Variants in ACMSD observed in about 807,000 individuals in gnomAD.
ACMSD encodes the protein aminocarboxymuconate semialdehyde decarboxylase.
ACMSD carries 37 observed loss-of-function variants against 45.9 expected under a neutral mutation model. The ratio of observed to expected loss-of-function variants is 0.81; its 90% CI spans 0.62 to 1.06. The LOEUF (loss-of-function observed/expected upper bound fraction) is 1.06, where lower values mean the gene tolerates loss of function less well. ACMSD is among the 50% of genes least tolerant of loss of function. The pLI, the probability that ACMSD is intolerant of heterozygous loss-of-function variation, is 0.00. For synonymous variants in ACMSD, 138 were observed against 148.8 expected, an observed-to-expected ratio of 0.93 and a Z score of 0.53; for missense variants, 434 against 420.9, an observed-to-expected ratio of 1.03 and a Z score of -0.27.
chr2:134,885,285 T>TAAATA (rs10636216), intron 8 of ACMSD, among the ~76,000 whole-genome samples: 6 of 104,362 alleles, frequency 5.7e-5, no homozygotes, highest in South Asian at 2.4e-4. Context: ...ATATTATATA[T>TAAATA]TATATTTATA....
chr2:134,840,480 AG>A (rs1686757328), intron 1 of ACMSD, among the ~76,000 whole-genome samples: 1 of 152,190 alleles, frequency 6.6e-6, no homozygotes, highest in Admixed American at 6.5e-5. Context: ...CAATGGTATT[AG>A]GAGATGCAGC....
In ACMSD at chr2:134,847,849, CTTTT is replaced by C. The variant is rs1183280289; in HGVS notation, c.102+2574_102+2577del. Among the ~76,000 whole-genome samples, 362 of 118,350 alleles carry C rather than the reference CTTTT, an allele frequency of 3.1e-3. 1 individual carries two copies. The highest frequency in any genetic ancestry group is 0.012 in the African/African-American group (341 of 27,742). The allele number at this position is 118,350 out of a possible 152,430, so 77.6% of individuals were successfully genotyped here. A position where few individuals can be genotyped will look rare whatever the true frequency, so the allele number is the denominator to read the frequency against. The stretch of plus-strand genomic sequence containing the variant: ...TATATATGCCACATTTTCTTTTCTT[CTTTT>C]TCTTTTTTTTTTTTTGAGATGGAGT... On this transcript the variant is annotated intron_variant, in intron 2 of 9. Transcript: ENST00000356140.
At chr2:134,891,054 G>T (rs183102091) in intron 8 of ACMSD, among the ~76,000 whole-genome samples, 1 of 152,078 alleles carries the variant, frequency 6.6e-6, no homozygotes, top group East Asian at 1.9e-4. Flanking sequence ...CAGGTATACG[G>T]TTTTCAAATA....
chr2:134,880,908 T>C (rs1689001981), intron 8 of ACMSD, among the ~76,000 whole-genome samples: 1 of 152,258 alleles, frequency 6.6e-6, no homozygotes, highest in African/African-American at 2.4e-5. Flanking sequence ...TTTTGTGTTA[T>C]GTGAATTTCA....
chr2:134,844,682 G>T (rs1686970227), intron 1 of ACMSD, among the ~76,000 whole-genome samples: 1 of 152,204 alleles, frequency 6.6e-6, no homozygotes, highest in South Asian at 2.1e-4. Flanking sequence ...CCCTCAGCCA[G>T]TGAAATGCAG....
Position 134,840,180 on chromosome 2 carries a change from A to C in ACMSD, c.57+1441A>C, listed in dbSNP as rs930195766. Among the ~76,000 whole-genome samples the C allele has an allele frequency of 1.0e-4, 14 of 140,146 alleles. No homozygotes were observed. The East Asian group carries it at 3.3e-3, about 33-fold the overall frequency. 91.9% of individuals were successfully genotyped at this position (140,146 alleles called of 152,430 possible). A position where few individuals can be genotyped will look rare whatever the true frequency, so the allele number is the denominator to read the frequency against. On this transcript the variant is annotated intron_variant, in intron 1 of 9. Transcript: ENST00000356140. ...AACTATACCTAGCAAAAAAAAAAAA[A>C]AAAAAAAAAAAAACCACTAATTCCT...
chr2:134,857,279 AAC>A (rs2104843259), intron 2 of ACMSD, among the ~76,000 whole-genome samples: 1 of 152,212 alleles, frequency 6.6e-6, no homozygotes, highest in East Asian at 1.9e-4. Flanking sequence ...CTCTACTAAA[AAC>A]ACAAAAATTA....
At chr2:134,838,956 AC>A (rs1324765923) in intron 1 of ACMSD, among the ~76,000 whole-genome samples, 2 of 152,120 alleles carry the variant, frequency 1.3e-5, no homozygotes, top group Non-Finnish European at 2.9e-5. Context: ...TTTCTCAGAA[AC>A]CCTTTTTTCC....
At chr2:134,866,468 C>T (rs1029418503) in intron 5 of ACMSD, among the ~76,000 whole-genome samples, 24 of 152,280 alleles carry the variant, frequency 1.6e-4, no homozygotes, top group African/African-American at 5.8e-4. Flanking sequence ...CAATTAGCTT[C>T]TCTCTCTTTA....
chr2:134,861,348 T>G (rs1449300439), intron 3 of ACMSD, among the ~76,000 whole-genome samples: 1 of 152,174 alleles, frequency 6.6e-6, no homozygotes, highest in Non-Finnish European at 1.5e-5. Context: ...TGTGTCAACT[T>G]TGGTTTTTGT....
At chr2:134,856,580 G>C (rs1687587973) in intron 2 of ACMSD, among the ~76,000 whole-genome samples, 1 of 152,168 alleles carries the variant, frequency 6.6e-6, no homozygotes, top group Non-Finnish European at 1.5e-5. Flanking sequence ...TCAATGATTA[G>C]TGAAGTTGAA....
chr2:134,842,919 C>T (rs1021260068), intron 1 of ACMSD, among the ~76,000 whole-genome samples: 1 of 152,112 alleles, frequency 6.6e-6, no homozygotes, highest in East Asian at 1.9e-4. Flanking sequence ...TACTTCTCTA[C>T]CTGCTAACAT....
intron 7 of ACMSD, 54 bp downstream of exon 7, chr2:134,871,114 A>C: frequency 6.9e-7 from 1 of 1,439,418 alleles, no homozygotes; most frequent in Non-Finnish European, 9.8e-7. Context: ...AATCCCACAG[A>C]TGGGGTGACT....
chr2:134,855,750 C>T (rs1191578099), intron 2 of ACMSD, among the ~76,000 whole-genome samples: 1 of 152,208 alleles, frequency 6.6e-6, no homozygotes, highest in Non-Finnish European at 1.5e-5. Flanking sequence ...AAGTCTTCCT[C>T]ATATATGTGC....
At chr2:134,847,552 T>C (rs1687125564) in intron 2 of ACMSD, among the ~76,000 whole-genome samples, 1 of 152,194 alleles carries the variant, frequency 6.6e-6, no homozygotes, top group South Asian at 2.1e-4. Flanking sequence ...GGTGGTTCAC[T>C]GCACCCATCA....
chr2:134,860,473 T>C (rs558433849), intron 3 of ACMSD, among the ~76,000 whole-genome samples: 7 of 152,278 alleles, frequency 4.6e-5, no homozygotes, highest in Admixed American at 2.0e-4. Context: ...AGTGTTTACA[T>C]TGGTGGAAGA....
chr2:134,847,531 A>G (rs1687124198), intron 2 of ACMSD, among the ~76,000 whole-genome samples: 1 of 152,162 alleles, frequency 6.6e-6, no homozygotes, highest in Non-Finnish European at 1.5e-5. Flanking sequence ...ACATAGGTAT[A>G]CAAGTGCCAT....
intron 2 of ACMSD, among the ~76,000 whole-genome samples, chr2:134,850,456 C>G (rs2104827348): frequency 6.6e-6 from 1 of 152,120 alleles, no homozygotes; most frequent in Admixed American, 6.5e-5. Flanking sequence ...TTAGTAGACA[C>G]AGGGTTTCAC....
rs1042821257 is a variant in ACMSD at position 134,857,212 on chromosome 2, G to A, written c.103-2049G>A. Among the ~76,000 whole-genome samples the A allele has an allele frequency of 1.4e-4, 21 of 152,114 alleles. 1 individual carries two copies. The highest frequency in any genetic ancestry group is 4.1e-4 in the African/African-American group (17 of 41,404). ...CCCAGCACTTTGGGAGGCTGAGGCC[G>A]GTGGATCATGAGGTCAGAAGTTCAA... is the stretch of plus-strand genomic sequence containing the variant. On this transcript the variant is annotated intron_variant, in intron 2 of 9. Coordinates refer to ENST00000356140, the MANE Select transcript of ACMSD (RefSeq NM_138326.3).
Sources: allele counts gnomAD v4.1 joint callset (sites outside exome capture counted in the v4.1 genomes callset), GRCh38; gene constraint gnomAD v4.1.1; transcripts MANE v1.5; gene names NCBI Gene and HGNC (gene_info 2026-07-23, HGNC 2026-07-21).